The following TEAD4 variants were observed in gnomAD, a reference collection of about 807,000 sequenced individuals.
TEAD4 encodes TEA domain transcription factor 4.
In TEAD4, 36 loss-of-function variants were observed where a neutral mutation model predicts 52.4. The observed-to-expected ratio is 0.69, with a 90% confidence interval of 0.53 to 0.91. The LOEUF (loss-of-function observed/expected upper bound fraction) is 0.91. Ranked by LOEUF, TEAD4 falls within the 40% of genes least tolerant of loss-of-function variation. The pLI, the probability that TEAD4 is intolerant of heterozygous loss-of-function variation, is 0.00. For missense variants in TEAD4, 508 were observed against 583.9 expected (o/e 0.87, Z 1.34); for synonymous variants, 220 against 231.0 (o/e 0.95, Z 0.43).
chr12:3,016,964 G>C (rs2098265019), intron 5 of TEAD4: 1 of 401,244 alleles, frequency 2.5e-6, no homozygotes, highest in Admixed American at 2.8e-5. Flanking sequence ...GGCCACAGGA[G>C]GTGGTCTCTT....
rs761347752 is a variant in TEAD4 at position 3,017,236 on chromosome 12, CA to C, written c.355-161del. ...GACCAGAGAAACCAGCTGACTTTCTCAGTTGCAAAACAAGTTAATAGCACGG... is the reference window on the plus strand; with the variant it reads ...GACCAGAGAAACCAGCTGACTTTCTCGTTGCAAAACAAGTTAATAGCACGG... On this transcript the variant is annotated intron_variant, in intron 5 of 12. Transcript: ENST00000359864. The C allele has an allele frequency of 1.1e-3, 983 of 880,378 alleles. 10 individuals are homozygous for C. Among genetic ancestry groups the C allele is most frequent in the Non-Finnish European group, 4.0e-4 (225 of 556,520 alleles). 54.5% of individuals were successfully genotyped at this position (880,378 alleles called of 1,614,324 possible).
intron 2 of TEAD4, among the ~76,000 whole-genome samples, chr12:2,986,654 A>T (rs936239560): frequency 2.0e-5 from 3 of 150,622 alleles, no homozygotes; most frequent in Non-Finnish European, 4.5e-5. Context: ...AATAAAAAAA[A>T]ATAAATAAAT....
At chr12:3,010,507 C>G (rs1461306735) in intron 3 of TEAD4, among the ~76,000 whole-genome samples, 1 of 152,190 alleles carries the variant, frequency 6.6e-6, no homozygotes, top group African/African-American at 2.4e-5. Context: ...AGCAGTTGCA[C>G]CCCCCATGCC....
At chr12:3,034,142 C>A (rs373915272) in intron 10 of TEAD4, among the ~76,000 whole-genome samples, 4 of 147,454 alleles carry the variant, frequency 2.7e-5, no homozygotes, top group African/African-American at 8.1e-5. Context: ...CCTCTCTGGG[C>A]CCCCCTGCCT....
intron 10 of TEAD4, among the ~76,000 whole-genome samples, chr12:3,030,020 G>A (rs1469845149): frequency 6.6e-6 from 1 of 152,108 alleles, no homozygotes; most frequent in African/African-American, 2.4e-5. Flanking sequence ...AAAGGGTCGG[G>A]GGTAGGGGCC....
At chr12:2,996,673 G>T (rs988299071) in intron 3 of TEAD4, among the ~76,000 whole-genome samples, 10 of 152,180 alleles carry the variant, frequency 6.6e-5, no homozygotes, top group African/African-American at 2.4e-4. Flanking sequence ...GCCTCCCAAA[G>T]TGATGGGATT....
chr12:2,991,677 A>G (rs1469718059), intron 2 of TEAD4, among the ~76,000 whole-genome samples: 1 of 150,970 alleles, frequency 6.6e-6, no homozygotes, highest in Non-Finnish European at 1.5e-5. Context: ...AAAAAAAAAG[A>G]AGTTTGTTTT....
At chr12:3,003,994 C>T (rs899076277) in intron 3 of TEAD4, among the ~76,000 whole-genome samples, 6 of 152,240 alleles carry the variant, frequency 3.9e-5, no homozygotes, top group Admixed American at 1.3e-4. Flanking sequence ...GTGGTTCCCA[C>T]ACTCTACCTG....
Position 2,994,908 on chromosome 12 carries a change from G to A in TEAD4, c.142G>A (p.Glu48Lys). 2 of 1,614,200 alleles carry A rather than the reference G, an allele frequency of 1.2e-6. No homozygotes were observed. Among genetic ancestry groups the A allele is most frequent in the Non-Finnish European group, 1.7e-6 (2 of 1,180,030 alleles). ...AGAGGGCGTGTGGAGCCCGGATATT[G>A]AGCAGAGTTTCCAGGAGGCCCTCGC... is the stretch of plus-strand genomic sequence containing the variant. Residue 48 changes from glutamate (E) to lysine (K), a missense_variant, in exon 3 of 13, where the codon GAG (glutamate) becomes AAG (lysine). Glu to Lys is a moderately conservative substitution (Grantham distance 56). Transcript: ENST00000359864. The surrounding 1 kb of genome is among the most constrained non-coding windows in gnomAD (Gnocchi z 4.7).
chr12:3,024,267 G>A (rs7307655), intron 10 of TEAD4, among the ~76,000 whole-genome samples: 105,955 of 151,528 alleles, frequency 0.7, 37,919 homozygotes, highest in East Asian at 0.85. Context: ...TAGTAGAGAC[G>A]GGGTTTCACC....
intron 3 of TEAD4, among the ~76,000 whole-genome samples, chr12:3,002,372 A>G (rs968041296): frequency 1.3e-5 from 2 of 152,176 alleles, no homozygotes; most frequent in African/African-American, 4.8e-5. Context: ...TTCTTGTGGG[A>G]TTGGAATTGC....
chr12:3,034,593 CA>C (rs1174135086), intron 10 of TEAD4, among the ~76,000 whole-genome samples: 2 of 152,270 alleles, frequency 1.3e-5, no homozygotes, highest in East Asian at 3.9e-4. Flanking sequence ...CAGCTTGGCA[CA>C]CTGGATTCTT....
intron 2 of TEAD4, among the ~76,000 whole-genome samples, chr12:2,976,688 C>T (rs1300381226): frequency 6.6e-6 from 1 of 152,028 alleles, no homozygotes; most frequent in Non-Finnish European, 1.5e-5. Context: ...TCCCAGCTTC[C>T]ACCTCCCTGA....
In TEAD4 at chr12:3,033,938, C is replaced by T. The variant is rs146095511; in HGVS notation, c.898-4030C>T. 2.9e-3 allele frequency among the ~76,000 whole-genome samples: 422 copies of T among 147,620 alleles called. 29 individuals carry two copies. The highest frequency in any genetic ancestry group is 0.011 in the African/African-American group (397 of 37,268). On this transcript the variant is annotated intron_variant, in intron 10 of 12. Coordinates refer to ENST00000359864, the MANE Select transcript of TEAD4 (RefSeq NM_003213.4). ...ATTAGAAGGATCCAGGCACTGAGGACGAGTCGAGGTGCTCTGGGGCGGTTC... is the reference window on the plus strand; with the variant it reads ...ATTAGAAGGATCCAGGCACTGAGGATGAGTCGAGGTGCTCTGGGGCGGTTC...
In TEAD4 at chr12:2,997,694, C is replaced by T. The variant is rs74420126; in HGVS notation, c.226+2702C>T. 2.6e-3 allele frequency among the ~76,000 whole-genome samples: 385 copies of T among 150,734 alleles called. 7 individuals carry two copies. In the East Asian group the frequency reaches 0.034, roughly 13 times the overall value. On this transcript the variant is annotated intron_variant, in intron 3 of 12. Transcript: ENST00000359864. ...TCCAGCAAGGGGCAAGGGCGGAGGG[C>T]GCTGTGGGTGTCTGGGAGGGCCCCG...
In TEAD4 at chr12:3,033,958, C is replaced by T. The variant is rs555129810; in HGVS notation, c.898-4010C>T. ...GAGGACGAGTCGAGGTGCTCTGGGG[C>T]GGTTCGTCCGTGTCGCCGGCTGGTG... On this transcript the variant is annotated intron_variant, in intron 10 of 12. Coordinates refer to ENST00000359864, the MANE Select transcript of TEAD4 (RefSeq NM_003213.4). 1.5e-3 allele frequency among the ~76,000 whole-genome samples: 225 copies of T among 150,276 alleles called. 12 individuals are homozygous for T. Among genetic ancestry groups the T allele is most frequent in the African/African-American group, 5.5e-3 (217 of 39,730 alleles).
At chr12:3,018,442 C>G (rs895252904) in intron 6 of TEAD4, 103 bp from the exon 7 acceptor site, 7 of 1,389,832 alleles carry the variant, frequency 5.0e-6, no homozygotes, top group Non-Finnish European at 6.1e-6. Flanking sequence ...GCTCCAGCCT[C>G]TCCTCCCAGT....
At chr12:3,003,499 C>T (rs1488861261) in intron 3 of TEAD4, among the ~76,000 whole-genome samples, 1 of 152,024 alleles carries the variant, frequency 6.6e-6, no homozygotes, top group African/African-American at 2.4e-5. Context: ...TGCTATGTGG[C>T]GGAGGTGGCC....
At chr12:2,978,376 G>GT (rs36048636) in intron 2 of TEAD4, among the ~76,000 whole-genome samples, 20 of 148,104 alleles carry the variant, frequency 1.4e-4, no homozygotes, top group Admixed American at 7.4e-4. Flanking sequence ...GTAAGTGCCT[G>GT]TTTTTTTTTT....
Sources: allele counts gnomAD v4.1 joint callset (sites outside exome capture counted in the v4.1 genomes callset), GRCh38; gene constraint gnomAD v4.1.1; non-coding constraint Gnocchi (gnomAD v3.1); transcripts MANE v1.5; gene names NCBI Gene and HGNC (gene_info 2026-07-23, HGNC 2026-07-21).